DOCK3: variants seen among roughly 807,000 people sequenced by gnomAD.
DOCK3 encodes the protein dedicator of cytokinesis protein 3.
Under a neutral mutation model 265.6 loss-of-function variants are expected in DOCK3, and 60 were observed. That is an observed-to-expected ratio of 0.23 (90% CI 0.18 to 0.28). The LOEUF is 0.28. Ranked by LOEUF, DOCK3 falls within the 10% of genes least tolerant of loss-of-function variation. DOCK3 has a pLI of 1.00. For missense variants in DOCK3, 1,981 were observed against 2,594.3 expected (o/e 0.76, Z 5.14); for synonymous variants, 881 against 938.0 (o/e 0.94, Z 1.11).
Position 51,117,691 on chromosome 3 carries a change from A to G in DOCK3, c.746+27307A>G, listed in dbSNP as rs527650139. Among the ~76,000 whole-genome samples, 3 of 152,152 alleles carry G rather than the reference A, an allele frequency of 2.0e-5. No homozygotes were observed. The South Asian group carries it at 6.2e-4, about 32-fold the overall frequency. On this transcript the variant is annotated intron_variant, in intron 9 of 52. Transcript: ENST00000266037. ...ACCTTCTTCCTGGTTTAGTCTTGGG[A>G]GAGTGTATGTGTCTAGGAATTTATC...
intron 5 of DOCK3, among the ~76,000 whole-genome samples, chr3:51,005,294 C>T (rs2078637888): frequency 1.3e-5 from 2 of 151,946 alleles, no homozygotes; most frequent in Non-Finnish European, 1.5e-5. Flanking sequence ...TTTACTGGTT[C>T]CTCTTCATCT....
chr3:50,847,147 C>T (rs2107329679), intron 3 of DOCK3, among the ~76,000 whole-genome samples: 1 of 152,186 alleles, frequency 6.6e-6, no homozygotes, highest in African/African-American at 2.4e-5. Flanking sequence ...GCTTTTGCTT[C>T]ATACCAGAGG....
intron 27 of DOCK3, among the ~76,000 whole-genome samples, chr3:51,304,567 C>G (rs1288531330): frequency 1.3e-5 from 2 of 152,236 alleles, no homozygotes; most frequent in African/African-American, 4.8e-5. Context: ...ATCTGCACAG[C>G]TGTGTGCTTG....
chr3:51,362,830 C>G (rs1431526233), intron 49 of DOCK3, among the ~76,000 whole-genome samples, 156 bp downstream of exon 49: 3 of 152,244 alleles, frequency 2.0e-5, no homozygotes, highest in Admixed American at 6.5e-5. Flanking sequence ...GAGTTCCTGC[C>G]TCCAGGCCTC....
intron 9 of DOCK3, among the ~76,000 whole-genome samples, chr3:51,112,342 A>G (rs1013204387): frequency 6.6e-6 from 1 of 152,226 alleles, no homozygotes; most frequent in African/African-American, 2.4e-5. Context: ...ACTCAAAAGG[A>G]TACATATTGA....
intron 5 of DOCK3, among the ~76,000 whole-genome samples, chr3:51,042,496 G>A (rs1393106670): frequency 6.6e-6 from 1 of 152,094 alleles, no homozygotes; most frequent in Non-Finnish European, 1.5e-5. Flanking sequence ...ATACTGAATG[G>A]GCAAAAGCTG....
chr3:51,192,034 A>G (rs1228322735), intron 12 of DOCK3, among the ~76,000 whole-genome samples: 1 of 150,310 alleles, frequency 6.7e-6, no homozygotes, highest in African/African-American at 2.4e-5. Context: ...AAAGGGAAAA[A>G]TATTTCCAAA....
intron 3 of DOCK3, chr3:50,877,129 A>G (rs561741009): frequency 3.6e-5 from 10 of 278,668 alleles, no homozygotes; most frequent in Admixed American, 2.8e-4. Flanking sequence ...TGCTCCAGGA[A>G]AATTACCAGG....
At chr3:50,708,891 G>A (rs2036582428) in intron 1 of DOCK3, among the ~76,000 whole-genome samples, 1 of 152,196 alleles carries the variant, frequency 6.6e-6, no homozygotes, top group African/African-American at 2.4e-5. Context: ...TTGATGTGTG[G>A]TTATCTACTT....
intron 1 of DOCK3, among the ~76,000 whole-genome samples, chr3:50,727,209 A>G (rs1289454507): frequency 1.3e-5 from 2 of 152,242 alleles, no homozygotes; most frequent in African/African-American, 4.8e-5. Context: ...TAAAGAAAGC[A>G]AGATCCCAAG....
At chr3:51,205,084 T>C (rs2089099374) in intron 12 of DOCK3, among the ~76,000 whole-genome samples, 1 of 152,016 alleles carries the variant, frequency 6.6e-6, no homozygotes, top group Admixed American at 6.6e-5. Flanking sequence ...AGTTAGTGGG[T>C]GCAGCGCACC....
intron 5 of DOCK3, among the ~76,000 whole-genome samples, chr3:50,976,754 C>G (rs1298811866): frequency 6.7e-6 from 1 of 149,348 alleles, no homozygotes; most frequent in African/African-American, 2.4e-5. Context: ...GTTAAAGTCT[C>G]CCATTATTAA....
intron 3 of DOCK3, among the ~76,000 whole-genome samples, chr3:50,859,457 C>G (rs551561845): frequency 2.2e-4 from 34 of 151,946 alleles, no homozygotes; most frequent in Non-Finnish European, 4.3e-4. Flanking sequence ...ACCTCGTGAT[C>G]CACCCCCCTC....
At chr3:50,765,671 T>C (rs1228685575) in intron 1 of DOCK3, among the ~76,000 whole-genome samples, 1 of 152,196 alleles carries the variant, frequency 6.6e-6, no homozygotes, top group Admixed American at 6.5e-5. Flanking sequence ...TAGGGTACAG[T>C]GTGATGTTTT....
intron 2 of DOCK3, among the ~76,000 whole-genome samples, chr3:50,804,106 G>A (rs992538003): frequency 9.2e-5 from 14 of 151,362 alleles, no homozygotes; most frequent in East Asian, 2.0e-4. Context: ...CAGACGGGGC[G>A]GCGGGGCAGA....
At chr3:51,033,495 A>AACAAT (rs2080134967) in intron 5 of DOCK3, among the ~76,000 whole-genome samples, 1 of 152,156 alleles carries the variant, frequency 6.6e-6, no homozygotes. Context: ...ATCTCCTGTT[A>AACAAT]ACAATTATTT....
chr3:50,694,114 C>CA (rs1456512497), intron 1 of DOCK3, among the ~76,000 whole-genome samples: 1 of 151,138 alleles, frequency 6.6e-6, no homozygotes, highest in African/African-American at 2.4e-5. Flanking sequence ...ACTAAAAATA[C>CA]AAAAAATTAG....
chr3:51,139,371 C>G (rs2084948245), intron 9 of DOCK3, among the ~76,000 whole-genome samples: 1 of 152,082 alleles, frequency 6.6e-6, no homozygotes, highest in Admixed American at 6.6e-5. Flanking sequence ...CTTGTTGGTC[C>G]TTTGTCACCA....
At chr3:50,945,545 A>G (rs962918663) in intron 5 of DOCK3, among the ~76,000 whole-genome samples, 1 of 152,184 alleles carries the variant, frequency 6.6e-6, no homozygotes, top group African/African-American at 2.4e-5. Context: ...TATGAGAAAC[A>G]AGACACAGTT....
Sources: gnomAD v4.1 joint callset for allele counts (sites outside exome capture counted in the v4.1 genomes callset) on GRCh38, gnomAD v4.1.1 for gene constraint, MANE v1.5 for transcripts, NCBI Gene and HGNC (gene_info 2026-07-23, HGNC 2026-07-21) for gene names.